Variants in TAF4B observed in about 807,000 individuals in gnomAD.
The protein encoded by TAF4B is TATA-box binding protein associated factor 4b, also known as transcription initiation factor TFIID subunit 4B.
TAF4B carries 38 observed loss-of-function variants against 86.4 expected under a neutral mutation model. The observed-to-expected ratio is 0.44, with a 90% CI of 0.34 to 0.58. The LOEUF (loss-of-function observed/expected upper bound fraction) is 0.58. TAF4B is among the 20% of genes least tolerant of loss of function. The pLI, the probability that TAF4B is intolerant of heterozygous loss-of-function variation, is 0.02. For missense variants in TAF4B, 988 were observed against 1,027.6 expected, an observed-to-expected ratio of 0.96 and a Z score of 0.53; for synonymous variants, 388 against 391.2, an observed-to-expected ratio of 0.99 and a Z score of 0.10.
chr18:26,342,978 T>C (rs1348148138), intron 13 of TAF4B, among the ~76,000 whole-genome samples: 1 of 152,194 alleles, frequency 6.6e-6, no homozygotes, highest in East Asian at 1.9e-4. Flanking sequence ...CCAGTTAAGA[T>C]GGAGTAAAAA....
intron 5 of TAF4B, among the ~76,000 whole-genome samples, chr18:26,279,545 CA>C (rs375937630): frequency 0.36 from 41,278 of 113,430 alleles, 7,823 homozygotes; most frequent in African/African-American, 0.61. Context: ...CAATTAGAAG[CA>C]AAAAAAAAAA....
At position 26,292,511 on chromosome 18, in the gene TAF4B, CA is replaced by C. The variant is rs1007649356; in HGVS notation, c.1726+131del. ...AAAGTTGGCACCCATTGAGAGAAAA[CA>C]GAAAGATAATCGTTAGATTTCTCTC... On this transcript the variant is annotated intron_variant, in intron 8 of 14. Transcript: ENST00000269142. 3 of 973,126 alleles carry C rather than the reference CA, an allele frequency of 3.1e-6. No homozygotes were observed. The African/African-American group carries it at 5.0e-5, about 16-fold the overall frequency. 60.3% of individuals were successfully genotyped at this position (973,126 alleles called of 1,614,324 possible).
chr18:26,357,584 T>C, intron 13 of TAF4B, 106 bp from the exon 14 acceptor site: 1 of 675,700 alleles, frequency 1.5e-6, no homozygotes, highest in Non-Finnish European at 2.3e-6. Flanking sequence ...TATTTTATAT[T>C]GTAACTTTAT....
At chr18:26,382,158 A>G (rs1484292782) in intron 14 of TAF4B, among the ~76,000 whole-genome samples, 1 of 152,240 alleles carries the variant, frequency 6.6e-6, no homozygotes, top group African/African-American at 2.4e-5. Flanking sequence ...GAAAAATCAA[A>G]GCTAATTCTT....
chr18:26,324,658 C>G (rs923547194), intron 11 of TAF4B, among the ~76,000 whole-genome samples: 1 of 152,196 alleles, frequency 6.6e-6, no homozygotes, highest in Admixed American at 6.5e-5. Flanking sequence ...TTGAAGCTAA[C>G]ACTTCCTTAA....
intron 14 of TAF4B, among the ~76,000 whole-genome samples, chr18:26,368,853 CTA>C (rs1382928024): frequency 6.6e-6 from 1 of 152,018 alleles, no homozygotes; most frequent in Non-Finnish European, 1.5e-5. Flanking sequence ...TCTTTGTCAG[CTA>C]TCTTTATGGA....
At chr18:26,363,698 T>C (rs916756378) in intron 14 of TAF4B, among the ~76,000 whole-genome samples, 1 of 152,246 alleles carries the variant, frequency 6.6e-6, no homozygotes, top group Admixed American at 6.5e-5. Context: ...AAATGATGTA[T>C]GAAACCATTT....
Position 26,265,308 on chromosome 18 carries a change from C to T in TAF4B, c.482C>T (p.Thr161Ile). Residue 161 changes from threonine (T) to isoleucine (I), a missense_variant, in exon 2 of 15, where the codon ACA (threonine) becomes ATA (isoleucine). By Grantham distance (89) the Thr-to-Ile change is moderately conservative. Coordinates refer to ENST00000269142, the MANE Select transcript of TAF4B (RefSeq NM_005640.3). ...PANPQTVKIC[T>I]VPNSSSQLIK... ...AATCCTCAAACAGTCAAAATCTGTA[C>T]AGTGCCGGTAATATACCTTAAATAT... is the stretch of plus-strand genomic sequence containing the variant. 4 of 1,607,524 alleles carry T rather than the reference C, an allele frequency of 2.5e-6. No individual in the cohort carries two copies. The highest frequency in any genetic ancestry group is 2.2e-5 in the South Asian group (2 of 89,096).
At chr18:26,236,780 A>G (rs781321071) in intron 1 of TAF4B, among the ~76,000 whole-genome samples, 2 of 152,072 alleles carry the variant, frequency 1.3e-5, no homozygotes, top group Non-Finnish European at 1.5e-5. Flanking sequence ...GGTCCCTATT[A>G]TAGAACACTG....
In TAF4B at chr18:26,274,663, T is replaced by G. The variant is rs377068622; in HGVS notation, c.598T>G (p.Ser200Ala). 12 of 1,614,018 alleles carry G rather than the reference T, an allele frequency of 7.4e-6. No individual in the cohort carries two copies. In the African/African-American group the frequency reaches 1.2e-4, roughly 16 times the overall value. ...TTVPKPSSVQ[S>A]VAVPTSVVTV... Reference sequence around the variant, plus strand: ...AAATATTTAATACCTTTAATTTCAGTCTGTGGCTGTGCCAACCAGTGTCGT... The same window carrying G: ...AAATATTTAATACCTTTAATTTCAGGCTGTGGCTGTGCCAACCAGTGTCGT... The change falls in exon 4 of 15, where the codon TCT (serine) becomes GCT (alanine). Residue 200 changes from serine (S) to alanine (A), a missense_variant and splice_region_variant. By Grantham distance (99) the Ser-to-Ala change is moderately conservative. Around this residue, in one of 3 missense-constraint regions of TAF4B, gnomAD observed 747 missense variants for 737.9 expected, o/e 1.01. Transcript: ENST00000269142.
chr18:26,366,041 C>A (rs1330170670), intron 14 of TAF4B, among the ~76,000 whole-genome samples: 1 of 152,160 alleles, frequency 6.6e-6, no homozygotes, highest in South Asian at 2.1e-4. Context: ...TCCGCTGCCT[C>A]GGCCTCCTAA....
Position 26,293,527 on chromosome 18 carries a change from T to G in TAF4B, c.1828T>G (p.Phe610Val), listed in dbSNP as rs772692539. ...NRIKENVTSC[F>V]RDEDDINDVT... Reference sequence around the variant, plus strand: ...AATAAAAGAGAATGTAACATCATGCTTCCGGTAAGAAAATAAATAGTTAAA... The same window carrying G: ...AATAAAAGAGAATGTAACATCATGCGTCCGGTAAGAAAATAAATAGTTAAA... The change falls in exon 9 of 15, where the codon TTC (phenylalanine) becomes GTC (valine). Residue 610 changes from phenylalanine to valine, a missense_variant. Coordinates refer to ENST00000269142, the MANE Select transcript of TAF4B (RefSeq NM_005640.3). 7 of 1,549,654 alleles carry G rather than the reference T, an allele frequency of 4.5e-6. No individual in the cohort carries two copies. The South Asian group carries it at 8.6e-5, about 19-fold the overall frequency.
intron 9 of TAF4B, among the ~76,000 whole-genome samples, chr18:26,296,924 G>A (rs1035490658): frequency 3.3e-4 from 6 of 18,278 alleles, no homozygotes; most frequent in African/African-American, 5.6e-4. Flanking sequence ...TGGATCACTT[G>A]AGTCAAGAGT....
Position 26,333,499 on chromosome 18 carries a change from C to T in TAF4B, c.2260-1676C>T, listed in dbSNP as rs140695136. ...CTCCCAGGCTCAAGCTGTCTACCCA[C>T]CCACCTCAGCTTGCTGAGTAGCTGG... On this transcript the variant is annotated intron_variant, in intron 12 of 14. Coordinates refer to ENST00000269142, the MANE Select transcript of TAF4B (RefSeq NM_005640.3). Among the ~76,000 whole-genome samples, 1,159 of 152,314 alleles carry T rather than the reference C, an allele frequency of 7.6e-3. 4 individuals carry two copies. The highest frequency in any genetic ancestry group is 0.031 in the Middle Eastern group (9 of 294).
At position 26,233,955 on chromosome 18, in the gene TAF4B, G is replaced by A. The variant is rs372963311; in HGVS notation, c.343+6679G>A. Among the ~76,000 whole-genome samples, 29 of 152,292 alleles carry A rather than the reference G, an allele frequency of 1.9e-4. No homozygotes were observed. In the East Asian group the frequency reaches 5.0e-3, roughly 26 times the overall value. ...TGCTGGATGGTGTGGAGGAGATTTG[G>A]CCCTGTAAATAGGGATATGGCCATT... On this transcript the variant is annotated intron_variant, in intron 1 of 14. Coordinates refer to ENST00000269142, the MANE Select transcript of TAF4B (RefSeq NM_005640.3).
intron 12 of TAF4B, among the ~76,000 whole-genome samples, chr18:26,331,643 A>G (rs1340443276): frequency 6.6e-6 from 1 of 152,226 alleles, no homozygotes; most frequent in African/African-American, 2.4e-5. Context: ...CATAGGCATC[A>G]TCTTTAACTC....
intron 3 of TAF4B, among the ~76,000 whole-genome samples, chr18:26,271,525 T>C (rs1158910245): frequency 2.0e-5 from 3 of 152,246 alleles, no homozygotes; most frequent in Non-Finnish European, 4.4e-5. Context: ...CAGTCCGTTT[T>C]CCTCCTGTCC....
At chr18:26,348,311 A>C (rs1460716893) in intron 13 of TAF4B, 1 of 152,324 alleles carries the variant, frequency 6.6e-6, no homozygotes, top group Non-Finnish European at 1.5e-5. Flanking sequence ...TGGACAACCA[A>C]TGGGTGAAGG....
In TAF4B at chr18:26,265,162, A is replaced by T. The variant is rs1184758978; in HGVS notation, c.344-8A>T. On this transcript the variant is annotated splice_polypyrimidine_tract_variant and splice_region_variant and intron_variant, in intron 1 of 14. Coordinates refer to ENST00000269142, the MANE Select transcript of TAF4B (RefSeq NM_005640.3). ...CAGAGGTCACTTTTTTTTCTTTTTT[A>T]AATATAGGAACCGTTTTGATTAAAA... The T allele has an allele frequency of 3.1e-6, 5 of 1,596,242 alleles. No individual in the cohort carries two copies. Among genetic ancestry groups the T allele is most frequent in the African/African-American group, 2.7e-5 (2 of 73,146 alleles).
Sources: allele counts gnomAD v4.1 joint callset (sites outside exome capture counted in the v4.1 genomes callset), GRCh38; gene constraint gnomAD v4.1.1; regional missense constraint gnomAD v4.1.1; transcripts MANE v1.5; gene names NCBI Gene and HGNC (gene_info 2026-07-23, HGNC 2026-07-21).